The following APP variants were observed in gnomAD, a reference collection of about 807,000 sequenced individuals.
APP encodes amyloid beta precursor protein, also known as amyloid-beta precursor protein.
In APP, 31 loss-of-function variants were observed where a neutral mutation model predicts 101.4. That is an observed-to-expected ratio of 0.31 (90% CI 0.23 to 0.41). The LOEUF (loss-of-function observed/expected upper bound fraction) is 0.41, where lower values mean the gene tolerates loss of function less well. APP is among the 10% of genes least tolerant of loss of function. APP has a pLI of 1.00. For synonymous variants in APP, 366 were observed against 364.4 expected (o/e 1.00, Z -0.05); for missense variants, 839 against 1,003.7 (o/e 0.84, Z 2.22).
At chr21:25,937,974 A>C (rs951812768) in intron 13 of APP, 1 of 152,138 alleles carries the variant, frequency 6.6e-6, no homozygotes, top group African/African-American at 2.4e-5. Context: ...GGGTCTCCCC[A>C]TGTTGCCCAG....
chr21:26,122,469 G>C (rs543001031), intron 1 of APP, among the ~76,000 whole-genome samples: 36 of 152,314 alleles, frequency 2.4e-4, no homozygotes, highest in African/African-American at 8.7e-4. Context: ...GGGATAAGGA[G>C]AGTGAGTACC....
At position 26,166,871 on chromosome 21, in the gene APP, T is replaced by TGAGAGAGAGAGAGA. The variant is rs559340452; in HGVS notation, c.57+3679_57+3692dup. Among the ~76,000 whole-genome samples, 8 of 135,286 alleles carry TGAGAGAGAGAGAGA rather than the reference T, an allele frequency of 5.9e-5. No homozygotes were observed. In the South Asian group the frequency reaches 1.0e-3, roughly 17 times the overall value. 88.8% of individuals were successfully genotyped at this position (135,286 alleles called of 152,430 possible). A position where few individuals can be genotyped will look rare whatever the true frequency, so the allele number is the denominator to read the frequency against. On this transcript the variant is annotated intron_variant, in intron 1 of 17. Coordinates refer to ENST00000346798, the MANE Select transcript of APP (RefSeq NM_000484.4). ...CCTGCACCAGCATCTGTCACTCAAGTGAGAGAGAGAGAGAGAGAGAGAGAG... is the reference window on the plus strand; with the variant it reads ...CCTGCACCAGCATCTGTCACTCAAGTGAGAGAGAGAGAGAGAGAGAGAGAGAGAGAGAGAGAGAG...
At chr21:26,135,230 G>C (rs2062870531) in intron 1 of APP, among the ~76,000 whole-genome samples, 1 of 152,182 alleles carries the variant, frequency 6.6e-6, no homozygotes, top group Non-Finnish European at 1.5e-5. Flanking sequence ...AGAAGGTAAA[G>C]CTGGCTAACA....
chr21:26,054,692 C>G lies in APP; in HGVS notation c.356-1344G>C, dbSNP rs534822711. ...TGAAGGATAGATCAGCATAGTGAAA[C>G]CATGAAAGCAGGGAGACCACCAAGT... On this transcript the variant is annotated intron_variant, in intron 3 of 17. Coordinates refer to ENST00000346798, the MANE Select transcript of APP (RefSeq NM_000484.4). 2.2e-5 allele frequency among the ~76,000 whole-genome samples: 3 copies of G among 134,760 alleles called. No homozygotes were observed. The East Asian group carries it at 6.9e-4, about 31-fold the overall frequency. The allele number at this position is 134,760 out of a possible 152,430, so 88.4% of individuals were successfully genotyped here.
intron 6 of APP, among the ~76,000 whole-genome samples, chr21:26,015,376 A>T (rs1165080133): frequency 6.6e-6 from 1 of 152,178 alleles, no homozygotes; most frequent in Non-Finnish European, 1.5e-5. Flanking sequence ...CAAAATAGTT[A>T]AATATTGGAT....
intron 3 of APP, among the ~76,000 whole-genome samples, chr21:26,073,889 A>G (rs759911351): frequency 1.0e-3 from 155 of 152,230 alleles, no homozygotes; most frequent in Admixed American, 2.3e-3. Context: ...ACTGAACATG[A>G]GCCTATTCAT....
At chr21:26,072,891 T>C (rs2061433184) in intron 3 of APP, among the ~76,000 whole-genome samples, 2 of 152,206 alleles carry the variant, frequency 1.3e-5, no homozygotes, top group South Asian at 4.1e-4. Flanking sequence ...AAAAATGGAA[T>C]AACAGACATA....
chr21:26,006,252 T>C (rs1294412233), intron 6 of APP, among the ~76,000 whole-genome samples: 1 of 152,214 alleles, frequency 6.6e-6, no homozygotes, highest in East Asian at 1.9e-4. Context: ...TTTATTGATG[T>C]TGAATTTCTT....
intron 13 of APP, among the ~76,000 whole-genome samples, chr21:25,926,794 G>C (rs571478559): frequency 1.3e-5 from 2 of 152,146 alleles, no homozygotes; most frequent in South Asian, 4.2e-4. Context: ...ATGAGGTCAG[G>C]AGATCGAGAG....
chr21:25,888,754 A>G (rs1443607423), intron 17 of APP, among the ~76,000 whole-genome samples: 1 of 145,006 alleles, frequency 6.9e-6, no homozygotes, highest in Non-Finnish European at 1.5e-5. Flanking sequence ...CCAATGAGAC[A>G]CTGCTTGGTA....
intron 1 of APP, among the ~76,000 whole-genome samples, chr21:26,150,597 C>CTAGATAGATAGA (rs767289054): frequency 2.4e-5 from 2 of 83,378 alleles, no homozygotes; most frequent in African/African-American, 9.5e-5. Context: ...TGATTGACAT[C>CTAGATAGATAGA]TAGATAGACA....
intron 13 of APP, among the ~76,000 whole-genome samples, chr21:25,935,733 A>C (rs1333665589): frequency 1.3e-5 from 2 of 148,638 alleles, no homozygotes; most frequent in Non-Finnish European, 1.5e-5. Context: ...CCAGCTACTC[A>C]GGAGGCTGAG....
chr21:26,043,381 T>C (rs2045463404), intron 5 of APP, among the ~76,000 whole-genome samples: 2 of 152,124 alleles, frequency 1.3e-5, no homozygotes, highest in South Asian at 2.1e-4. Context: ...TACAGGCACA[T>C]GCCACCATGC....
intron 5 of APP, among the ~76,000 whole-genome samples, chr21:26,039,465 T>C (rs372039649): frequency 2.6e-5 from 4 of 152,256 alleles, no homozygotes; most frequent in Non-Finnish European, 5.9e-5. Flanking sequence ...TGAATTACTA[T>C]TGATCTAAAT....
At chr21:25,999,899 G>A in intron 7 of APP, 116 bp downstream of exon 7, 1 of 1,183,992 alleles carries the variant, frequency 8.4e-7, no homozygotes, top group Admixed American at 2.0e-5. Context: ...CAGAAATGTG[G>A]TTAGTGGTAG....
chr21:26,085,222 G>A (rs1037686899), intron 3 of APP, among the ~76,000 whole-genome samples: 25 of 152,342 alleles, frequency 1.6e-4, no homozygotes, highest in African/African-American at 6.0e-4. Flanking sequence ...GGAGTCTGAT[G>A]TCTCTCCAAG....
At chr21:26,160,375 A>T (rs2063466357) in intron 1 of APP, among the ~76,000 whole-genome samples, 1 of 152,190 alleles carries the variant, frequency 6.6e-6, no homozygotes, top group Non-Finnish European at 1.5e-5. Flanking sequence ...CTTCTGTTGC[A>T]TTTAAATTTT....
intron 2 of APP, among the ~76,000 whole-genome samples, chr21:26,111,616 T>C (rs1397224314): frequency 6.6e-6 from 1 of 151,908 alleles, no homozygotes; most frequent in Non-Finnish European, 1.5e-5. Context: ...CATGTGCCTA[T>C]AGTCCAGCTA....
chr21:25,892,552 G>A (rs2037767236), intron 16 of APP, among the ~76,000 whole-genome samples: 1 of 152,200 alleles, frequency 6.6e-6, no homozygotes, highest in Non-Finnish European at 1.5e-5. Flanking sequence ...ATTTCAAAGT[G>A]AAGTACAGGC....
Sources: allele counts gnomAD v4.1 joint callset (sites outside exome capture counted in the v4.1 genomes callset), GRCh38; gene constraint gnomAD v4.1.1; transcripts MANE v1.5; gene names NCBI Gene and HGNC (gene_info 2026-07-23, HGNC 2026-07-21).